SLC71A1: variants seen among roughly 807,000 people sequenced by gnomAD.
The protein encoded by SLC71A1 is solute carrier family 71 member 1.
At chr1:100,062,149 T>C in the SLC71A1 span, 6 of 459,166 alleles carry the variant, frequency 1.3e-5, no homozygotes, top group Non-Finnish European at 1.9e-5. Context: ...TTTCATTTAG[T>C]AGATATTCAT....
the SLC71A1 span, among the ~76,000 whole-genome samples, chr1:100,065,271 A>G: frequency 2.6e-5 from 4 of 152,224 alleles, no homozygotes; most frequent in African/African-American, 9.6e-5. Context: ...AATTTTATGT[A>G]CTTGTTCAAA....
the SLC71A1 span, chr1:100,069,545 GCTGCAGTGGTTTTCTAT>G: frequency 1.1e-6 from 1 of 874,906 alleles, no homozygotes. Context: ...TATACAAGTA[GCTGCAGTGGTTTTCTAT>G]CTGGTATACA....
the SLC71A1 span, among the ~76,000 whole-genome samples, chr1:100,044,014 G>GC: frequency 1.3e-5 from 2 of 152,198 alleles, no homozygotes; most frequent in Non-Finnish European, 2.9e-5. Context: ...CTATAAACAT[G>GC]CATGTACATG....
the SLC71A1 span, among the ~76,000 whole-genome samples, chr1:100,046,390 T>C: frequency 5.9e-5 from 9 of 152,004 alleles, no homozygotes; most frequent in African/African-American, 2.2e-4. Context: ...CACGCCTGGC[T>C]AATTTTTGTA....
At chr1:100,061,754 G>A in the SLC71A1 span, 5 of 880,004 alleles carry the variant, frequency 5.7e-6, no homozygotes, top group East Asian at 2.5e-5. Context: ...CTGCTCTTAC[G>A]CTTAATTAAC....
chr1:100,061,800 T>A, the SLC71A1 span: 1 of 1,257,320 alleles, frequency 8.0e-7, no homozygotes, highest in South Asian at 1.2e-5. Context: ...CAATGGTAAT[T>A]GCTCTAACCA....
chr1:100,057,175 A>G, the SLC71A1 span, among the ~76,000 whole-genome samples: 340 of 152,000 alleles, frequency 2.2e-3, 4 homozygotes, highest in African/African-American at 8.0e-3. Flanking sequence ...ATGTGATCTC[A>G]TTTGTCCATT....
the SLC71A1 span, among the ~76,000 whole-genome samples, chr1:100,051,109 A>T: frequency 4.7e-5 from 7 of 150,258 alleles, no homozygotes; most frequent in Non-Finnish European, 1.0e-4. Flanking sequence ...AAAAAAAAAA[A>T]CAGCCGGGCG....
chr1:100,038,383 A>T, the SLC71A1 span: 12 of 1,292,850 alleles, frequency 9.3e-6, no homozygotes, highest in Non-Finnish European at 1.3e-5. Flanking sequence ...TCAGACCCCC[A>T]CACTGCCGTC....
the SLC71A1 span, among the ~76,000 whole-genome samples, chr1:100,071,313 A>AAAAAAAAAAAAG: frequency 2.8e-5 from 4 of 142,872 alleles, no homozygotes; most frequent in Non-Finnish European, 4.5e-5. Flanking sequence ...AAAAAAAAAA[A>AAAAAAAAAAAAG]AAAGAAAGAA....
At chr1:100,072,304 C>T in the SLC71A1 span, among the ~76,000 whole-genome samples, 3 of 152,200 alleles carry the variant, frequency 2.0e-5, no homozygotes, top group African/African-American at 4.8e-5. Flanking sequence ...TTCTTACCCA[C>T]GTGCTTTTGT....
chr1:100,062,445 A>G, the SLC71A1 span, among the ~76,000 whole-genome samples: 8 of 152,220 alleles, frequency 5.3e-5, no homozygotes, highest in Middle Eastern at 3.2e-3. Flanking sequence ...GATTTGAGCC[A>G]TAGTGGTAGG....
chr1:100,073,752 A>G, the SLC71A1 span, among the ~76,000 whole-genome samples: 2 of 152,202 alleles, frequency 1.3e-5, no homozygotes, highest in Non-Finnish European at 2.9e-5. Flanking sequence ...AATTTGGCAA[A>G]TATTTGTTGA....
chr1:100,068,383 A>G, the SLC71A1 span: 15 of 977,060 alleles, frequency 1.5e-5, no homozygotes, highest in East Asian at 2.9e-4. Flanking sequence ...CCATGAGTAC[A>G]CTGCCAAAAG....
chr1:100,052,781 TTTTG>T, the SLC71A1 span, among the ~76,000 whole-genome samples: 3 of 150,026 alleles, frequency 2.0e-5, no homozygotes, highest in Non-Finnish European at 4.4e-5. Context: ...TTTTTTTTTA[TTTTG>T]TTTGTTTGTG....
the SLC71A1 span, among the ~76,000 whole-genome samples, chr1:100,066,612 C>G: frequency 1.3e-5 from 2 of 152,192 alleles, no homozygotes; most frequent in African/African-American, 4.8e-5. Context: ...CACCCCTCCC[C>G]TAAGGACCAG....
the SLC71A1 span, among the ~76,000 whole-genome samples, chr1:100,042,427 G>A: frequency 2.0e-5 from 3 of 152,044 alleles, no homozygotes; most frequent in Admixed American, 6.5e-5. Context: ...GTCAGCAACC[G>A]TTTCAAGAGC....
the SLC71A1 span, among the ~76,000 whole-genome samples, chr1:100,040,715 C>T: frequency 6.6e-6 from 1 of 152,198 alleles, no homozygotes; most frequent in Admixed American, 6.5e-5. Flanking sequence ...CCACCTTGGC[C>T]TCCCAAAGTG....
At chr1:100,054,779 C>T in the SLC71A1 span, among the ~76,000 whole-genome samples, 2 of 152,176 alleles carry the variant, frequency 1.3e-5, no homozygotes, top group African/African-American at 4.8e-5. Flanking sequence ...CTGTTCACCT[C>T]TAAAGACCAG....
Sources: allele counts gnomAD v4.1 joint callset (sites outside exome capture counted in the v4.1 genomes callset), GRCh38; gene constraint gnomAD v4.1.1; transcripts MANE v1.5; gene names NCBI Gene and HGNC (gene_info 2026-07-23, HGNC 2026-07-21).